Variants in DOCK4 observed in about 807,000 individuals in gnomAD.
The protein encoded by DOCK4 is dedicator of cytokinesis protein 4.
Under a neutral mutation model 268.1 loss-of-function variants are expected in DOCK4, and 97 were observed. The observed-to-expected ratio is 0.36, with a 90% CI of 0.31 to 0.43. DOCK4 has a LOEUF of 0.43. Among genes scored for constraint, DOCK4 ranks in the 20% least tolerant of loss-of-function variants. The pLI is 1.00. For synonymous variants in DOCK4, 954 were observed against 887.2 expected, an observed-to-expected ratio of 1.08 and a Z score of -1.34; for missense variants, 2,145 against 2,455.7, an observed-to-expected ratio of 0.87 and a Z score of 2.67.
rs574787553 is a variant in DOCK4 at position 111,922,065 on chromosome 7, CAT to C, written c.1067-6163_1067-6162del. ...CAAATAGACGATAAGTACAATTAGACATATGCGAAGGCGGTGAAATTCCTAAT... is the reference window on the plus strand; with the variant it reads ...CAAATAGACGATAAGTACAATTAGACATGCGAAGGCGGTGAAATTCCTAAT... On this transcript the variant is annotated intron_variant, in intron 12 of 52. Coordinates refer to ENST00000428084, the MANE Select transcript of DOCK4 (RefSeq NM_001363540.2). Among the ~76,000 whole-genome samples the C allele has an allele frequency of 6.6e-5, 10 of 152,282 alleles. No homozygotes were observed. In the South Asian group the frequency reaches 2.1e-3, roughly 32 times the overall value.
rs997763154 is a variant in DOCK4, at chr7:112,175,307, C to G, written c.37+30795G>C. On this transcript the variant is annotated intron_variant, in intron 1 of 52. Coordinates refer to ENST00000428084, the MANE Select transcript of DOCK4 (RefSeq NM_001363540.2). The stretch of plus-strand genomic sequence containing the variant: ...AGTCTCTAAAATGTATCCACTGAAT[C>G]AAAACACCAAGCTGTTTGCTCTCTA... 2.6e-5 allele frequency among the ~76,000 whole-genome samples: 4 copies of G among 152,138 alleles called. No individual in the cohort carries two copies. In the East Asian group the frequency reaches 7.7e-4, roughly 29 times the overall value.
At chr7:112,025,869 G>A (rs921882543) in intron 1 of DOCK4, among the ~76,000 whole-genome samples, 5 of 152,114 alleles carry the variant, frequency 3.3e-5, no homozygotes, top group African/African-American at 1.2e-4. Context: ...TCAACTGAGA[G>A]AGTGTCCCCT....
intron 2 of DOCK4, among the ~76,000 whole-genome samples, chr7:112,003,553 A>G (rs1281502564): frequency 6.6e-6 from 1 of 152,252 alleles, no homozygotes; most frequent in Admixed American, 6.5e-5. Flanking sequence ...ACAAAGTCAG[A>G]CAATATATTC....
chr7:111,981,126 C>T lies in DOCK4; in HGVS notation c.549+3180G>A, dbSNP rs1798580137. ...AAGATGCAAACACTTGTGTTTCAAA[C>T]ATGACACTGACTAGGAAGAAGTAAA... On this transcript the variant is annotated intron_variant, in intron 7 of 52. Coordinates refer to ENST00000428084, the MANE Select transcript of DOCK4 (RefSeq NM_001363540.2). Among the ~76,000 whole-genome samples the T allele has an allele frequency of 3.9e-5, 6 of 152,164 alleles. No homozygotes were observed. The South Asian group carries it at 1.2e-3, about 32-fold the overall frequency.
chr7:112,090,912 A>G (rs2729538), intron 1 of DOCK4, among the ~76,000 whole-genome samples: 1 of 151,984 alleles, frequency 6.6e-6, no homozygotes, highest in Non-Finnish European at 1.5e-5. Context: ...GGGGAGCACC[A>G]GATTTTCTGT....
intron 1 of DOCK4, among the ~76,000 whole-genome samples, chr7:112,131,239 G>C (rs1291858505): frequency 1.3e-5 from 2 of 152,110 alleles, no homozygotes; most frequent in Admixed American, 1.3e-4. Flanking sequence ...TTTTAAAAGC[G>C]CTGTGGCCCA....
rs529764375 is a variant in DOCK4 at position 111,774,335 on chromosome 7, G to A, written c.3679+3941C>T. Among the ~76,000 whole-genome samples the A allele has an allele frequency of 1.0e-3, 158 of 152,250 alleles. 1 individual carries two copies. The highest frequency in any genetic ancestry group is 3.8e-3 in the African/African-American group (156 of 41,554). ...CAAAAAACTTTAGCTGGGCATGGTG[G>A]CAGGCACCTGTAATCTCAGCTGCTC... On this transcript the variant is annotated intron_variant, in intron 36 of 52. Coordinates refer to ENST00000428084, the MANE Select transcript of DOCK4 (RefSeq NM_001363540.2).
At position 111,747,298 on chromosome 7, in the gene DOCK4, G is replaced by T; in HGVS notation, c.4562C>A (p.Ala1521Glu). 1 of 1,613,466 alleles carries T rather than the reference G, an allele frequency of 6.2e-7. No homozygotes were observed. Among genetic ancestry groups the T allele is most frequent in the Non-Finnish European group, 8.5e-7 (1 of 1,179,672 alleles). Residue 1521 changes from alanine (A) to glutamate (E), a missense_variant, in exon 43 of 53, where the codon GCA becomes GAA. Physicochemically the swap from Ala to Glu is moderately radical, Grantham distance 107. Coordinates refer to ENST00000428084, the MANE Select transcript of DOCK4 (RefSeq NM_001363540.2). ...ATACCTGGAAACGCCACCATTAACT[G>T]CAGCATCTATAACTCCATTCAGGCA... Reference protein sequence around the residue: ...TMCLNGVIDAAVNGGVSRYQE... With the variant: ...TMCLNGVIDAEVNGGVSRYQE...
At chr7:112,067,942 C>T (rs937973381) in intron 1 of DOCK4, among the ~76,000 whole-genome samples, 11 of 152,296 alleles carry the variant, frequency 7.2e-5, no homozygotes, top group Middle Eastern at 3.4e-3. Flanking sequence ...AGGGCGACTA[C>T]GTCCAATCCC....
chr7:112,203,395 G>A (rs1411023317), intron 1 of DOCK4, among the ~76,000 whole-genome samples: 3 of 151,954 alleles, frequency 2.0e-5, no homozygotes, highest in Admixed American at 6.5e-5. Flanking sequence ...CATCAGTTAC[G>A]AAAAAGAATT....
intron 17 of DOCK4, among the ~76,000 whole-genome samples, chr7:111,873,401 G>A (rs961097332): frequency 6.6e-5 from 10 of 152,246 alleles, no homozygotes; most frequent in African/African-American, 2.4e-4. Flanking sequence ...GCCAATGAAT[G>A]CAGTGAGAAC....
At chr7:111,960,612 A>C (rs1361725065) in intron 8 of DOCK4, among the ~76,000 whole-genome samples, 2 of 149,346 alleles carry the variant, frequency 1.3e-5, no homozygotes, top group Non-Finnish European at 3.0e-5. Flanking sequence ...ATTGCTATTA[A>C]CCATAACCAC....
At position 111,826,505 on chromosome 7, in the gene DOCK4, G is replaced by A. The variant is rs1252727712; in HGVS notation, c.2836-4049C>T. Among the ~76,000 whole-genome samples, 3 of 152,062 alleles carry A rather than the reference G, an allele frequency of 2.0e-5. No individual in the cohort carries two copies. The East Asian group carries it at 5.8e-4, about 29-fold the overall frequency. Reference sequence around the variant, plus strand: ...ATTAAGAAAGACACAAGACAGGATAGGCTTAAAAAATGTGGTACATTTACA... The same window carrying A: ...ATTAAGAAAGACACAAGACAGGATAAGCTTAAAAAATGTGGTACATTTACA... On this transcript the variant is annotated intron_variant, in intron 26 of 52. Transcript: ENST00000428084.
chr7:111,915,143 G>A (rs139651869), intron 13 of DOCK4, among the ~76,000 whole-genome samples: 83 of 152,212 alleles, frequency 5.5e-4, no homozygotes, highest in South Asian at 1.0e-3. Context: ...ATTTATTTTC[G>A]TGGAGAGATT....
chr7:111,909,319 A>C (rs953291716), intron 13 of DOCK4, among the ~76,000 whole-genome samples: 1 of 152,220 alleles, frequency 6.6e-6, no homozygotes, highest in Non-Finnish European at 1.5e-5. Flanking sequence ...TTCTTTTGAG[A>C]AGTGTCTGTT....
intron 40 of DOCK4, among the ~76,000 whole-genome samples, chr7:111,759,503 G>A (rs1297057088): frequency 1.3e-5 from 2 of 152,066 alleles, no homozygotes; most frequent in Non-Finnish European, 2.9e-5. Flanking sequence ...TTTGGTTTCT[G>A]CTTTGAAATG....
intron 1 of DOCK4, among the ~76,000 whole-genome samples, chr7:112,161,266 G>C (rs1331545650): frequency 6.6e-6 from 1 of 152,152 alleles, no homozygotes; most frequent in African/African-American, 2.4e-5. Context: ...TTTAAAACTT[G>C]CTGCACTTGT....
At chr7:111,969,557 C>G (rs987809047) in intron 8 of DOCK4, among the ~76,000 whole-genome samples, 10 of 151,158 alleles carry the variant, frequency 6.6e-5, no homozygotes, top group African/African-American at 2.4e-4. Context: ...AAAATTCAAA[C>G]AATCCTGCAA....
At chr7:111,879,957 C>A (rs991338267) in intron 16 of DOCK4, among the ~76,000 whole-genome samples, 1 of 152,082 alleles carries the variant, frequency 6.6e-6, no homozygotes, top group East Asian at 1.9e-4. Context: ...AAGTGCAAAT[C>A]TAAGAGTTAT....
Sources: allele counts gnomAD v4.1 joint callset (sites outside exome capture counted in the v4.1 genomes callset), GRCh38; gene constraint gnomAD v4.1.1; transcripts MANE v1.5; gene names NCBI Gene and HGNC (gene_info 2026-07-23, HGNC 2026-07-21).